Variants in STAU2 observed in about 807,000 individuals in gnomAD.
STAU2 encodes double-stranded RNA-binding protein Staufen homolog 2.
STAU2 carries 20 observed loss-of-function variants against 65.9 expected under a neutral mutation model. The observed-to-expected ratio is 0.30, with a 90% CI of 0.21 to 0.44. The LOEUF (loss-of-function observed/expected upper bound fraction) is 0.44. STAU2 is among the 20% of genes least tolerant of loss of function. The pLI is 1.00. For synonymous variants in STAU2, 232 were observed against 233.9 expected (o/e 0.99, Z 0.07); for missense variants, 558 against 683.9 (o/e 0.82, Z 2.05).
intron 10 of STAU2, among the ~76,000 whole-genome samples, chr8:73,599,070 C>A (rs1811431670): frequency 6.6e-6 from 1 of 152,128 alleles, no homozygotes; most frequent in Non-Finnish European, 1.5e-5. Flanking sequence ...GACCTAAACT[C>A]AATTAATTGA....
At chr8:73,731,387 G>C (rs569630436) in intron 3 of STAU2, among the ~76,000 whole-genome samples, 2 of 151,938 alleles carry the variant, frequency 1.3e-5, no homozygotes, top group African/African-American at 4.8e-5. Context: ...ATCTCAGTAG[G>C]ACTGCTGGGC....
At chr8:73,517,051 T>C (rs1014181660) in intron 13 of STAU2, among the ~76,000 whole-genome samples, 16 of 152,242 alleles carry the variant, frequency 1.1e-4, no homozygotes, top group Non-Finnish European at 2.1e-4. Context: ...TACAGAATAG[T>C]AGGAATAGTA....
At chr8:73,509,766 T>A (rs188998163) in intron 13 of STAU2, among the ~76,000 whole-genome samples, 213 of 152,250 alleles carry the variant, frequency 1.4e-3, no homozygotes, top group Admixed American at 2.8e-3. Flanking sequence ...TAAAAACAAT[T>A]ACTGGGGAAT....
intron 13 of STAU2, among the ~76,000 whole-genome samples, chr8:73,460,091 C>T (rs1219467997): frequency 2.6e-5 from 4 of 152,220 alleles, no homozygotes; most frequent in Non-Finnish European, 5.9e-5. Context: ...CCAACCCAAG[C>T]TCAGATGCAA....
At chr8:73,439,462 A>G (rs1371633457) in intron 13 of STAU2, among the ~76,000 whole-genome samples, 1 of 152,186 alleles carries the variant, frequency 6.6e-6, no homozygotes, top group Non-Finnish European at 1.5e-5. Flanking sequence ...ACTGAAAAAT[A>G]CAAAAATTAG....
intron 13 of STAU2, among the ~76,000 whole-genome samples, chr8:73,544,702 CT>C (rs1806782456): frequency 6.6e-6 from 1 of 152,192 alleles, no homozygotes; most frequent in Non-Finnish European, 1.5e-5. Flanking sequence ...CTTGACATCA[CT>C]AACCACACTT....
At chr8:73,665,505 G>T (rs927001842) in intron 6 of STAU2, among the ~76,000 whole-genome samples, 3 of 152,140 alleles carry the variant, frequency 2.0e-5, no homozygotes, top group Non-Finnish European at 4.4e-5. Context: ...TTCCTATTGG[G>T]TTGAACATAT....
Position 73,470,751 on chromosome 8 carries a change from C to A in STAU2, c.1531-48049G>T, listed in dbSNP as rs186919613. The stretch of plus-strand genomic sequence containing the variant: ...TCCAGAAGCTTGTGGCTGCAATGAG[C>A]TATGATTGCACCACTGTACTCCAGC... On this transcript the variant is annotated intron_variant, in intron 13 of 14. Coordinates refer to ENST00000524300, the MANE Select transcript of STAU2 (RefSeq NM_001164380.2). 6.3e-3 allele frequency among the ~76,000 whole-genome samples: 956 copies of A among 152,146 alleles called. 12 individuals are homozygous for A. Among genetic ancestry groups the A allele is most frequent in the African/African-American group, 0.022 (930 of 41,470 alleles).
intron 13 of STAU2, among the ~76,000 whole-genome samples, chr8:73,547,822 C>A (rs1807039877): frequency 6.6e-6 from 1 of 151,266 alleles, no homozygotes; most frequent in African/African-American, 2.4e-5. Context: ...GTTTCAATGA[C>A]AAATTAAAAA....
chr8:73,722,402 G>T (rs1821745049), intron 3 of STAU2, among the ~76,000 whole-genome samples: 1 of 152,078 alleles, frequency 6.6e-6, no homozygotes, highest in Non-Finnish European at 1.5e-5. Flanking sequence ...TCATTTTCCT[G>T]CTGTCTGAAG....
At chr8:73,575,375 TCTC>T (rs1183945091) in intron 12 of STAU2, among the ~76,000 whole-genome samples, 1 of 152,110 alleles carries the variant, frequency 6.6e-6, no homozygotes, top group Non-Finnish European at 1.5e-5. Flanking sequence ...AAACAGGAAA[TCTC>T]CTACACTGAT....
At chr8:73,486,145 C>T (rs1247032503) in intron 13 of STAU2, among the ~76,000 whole-genome samples, 1 of 152,078 alleles carries the variant, frequency 6.6e-6, no homozygotes, top group African/African-American at 2.4e-5. Flanking sequence ...AATATCCTTC[C>T]TCTTATTGAT....
chr8:73,614,472 T>G (rs2129850081), intron 8 of STAU2, among the ~76,000 whole-genome samples: 1 of 152,282 alleles, frequency 6.6e-6, no homozygotes, highest in Admixed American at 6.5e-5. Context: ...CAAAAGCTGT[T>G]TTACAGAAAG....
chr8:73,570,444 ACTATGT>A (rs1285202295), intron 12 of STAU2, among the ~76,000 whole-genome samples: 1 of 152,176 alleles, frequency 6.6e-6, no homozygotes, highest in Admixed American at 6.5e-5. Context: ...GAAATAGCAG[ACTATGT>A]GAATAGACCA....
chr8:73,654,427 G>T (rs1225366934), intron 6 of STAU2, among the ~76,000 whole-genome samples: 1 of 151,706 alleles, frequency 6.6e-6, no homozygotes, highest in African/African-American at 2.4e-5. Context: ...CAAGGCGGGA[G>T]GATTGTTTGA....
At chr8:73,485,976 G>C (rs929737397) in intron 13 of STAU2, among the ~76,000 whole-genome samples, 2 of 152,122 alleles carry the variant, frequency 1.3e-5, no homozygotes. Flanking sequence ...GACTGTGTGG[G>C]GGTCCAGTAG....
At chr8:73,475,164 C>G (rs115484078) in intron 13 of STAU2, among the ~76,000 whole-genome samples, 2 of 152,076 alleles carry the variant, frequency 1.3e-5, no homozygotes, top group East Asian at 3.9e-4. Context: ...GGGAGGCTAG[C>G]GTGTCTCCTG....
chr8:73,525,728 C>G (rs1458187698), intron 13 of STAU2, among the ~76,000 whole-genome samples: 3 of 152,190 alleles, frequency 2.0e-5, no homozygotes, highest in Admixed American at 6.5e-5. Context: ...CTTTGCTCAG[C>G]CTTAGAAGAG....
chr8:73,585,899 G>C (rs557829495), intron 11 of STAU2, among the ~76,000 whole-genome samples: 1 of 152,318 alleles, frequency 6.6e-6, no homozygotes, highest in South Asian at 2.1e-4. Context: ...GAATGAGTCT[G>C]ACAAGATCTG....
Sources: allele counts gnomAD v4.1 joint callset (sites outside exome capture counted in the v4.1 genomes callset), GRCh38; gene constraint gnomAD v4.1.1; transcripts MANE v1.5; gene names NCBI Gene and HGNC (gene_info 2026-07-23, HGNC 2026-07-21).